Variants in TACR1 observed in about 807,000 individuals in gnomAD.
TACR1 encodes substance-P receptor.
TACR1 carries 25 observed loss-of-function variants against 35.8 expected under a neutral mutation model. The ratio of observed to expected loss-of-function variants is 0.70; its 90% CI spans 0.51 to 0.98. The LOEUF (loss-of-function observed/expected upper bound fraction) is 0.98. Among genes scored for constraint, TACR1 ranks in the 50% least tolerant of loss-of-function variants. The pLI, the probability that TACR1 is intolerant of heterozygous loss-of-function variation, is 0.00. For synonymous variants in TACR1, 195 were observed against 206.7 expected (o/e 0.94, Z 0.48); for missense variants, 478 against 522.9 (o/e 0.91, Z 0.84).
intron 2 of TACR1, among the ~76,000 whole-genome samples, chr2:75,083,263 G>C (rs1469457736): frequency 6.6e-6 from 1 of 151,996 alleles, no homozygotes; most frequent in East Asian, 1.9e-4. Flanking sequence ...TCTGAGGGCT[G>C]TGTTCTGTTC....
Position 75,094,860 on chromosome 2 carries a change from T to TATA in TACR1, c.584+25713_584+25714insTAT, listed in dbSNP as rs1491102755. 2.3e-3 allele frequency among the ~76,000 whole-genome samples: 115 copies of TATA among 50,402 alleles called. 3 individuals are homozygous for TATA. In the East Asian group the frequency reaches 0.034, roughly 15 times the overall value. 33.1% of individuals were successfully genotyped at this position (50,402 alleles called of 152,430 possible). On this transcript the variant is annotated intron_variant, in intron 2 of 4. Coordinates refer to ENST00000305249, the MANE Select transcript of TACR1 (RefSeq NM_001058.4). ...AAACATATATATATATATATATATA[T>TATA]TTTTTTTTTTTTTGCCCAAGATGGC...
At chr2:75,133,880 A>G (rs1674226792) in intron 1 of TACR1, among the ~76,000 whole-genome samples, 1 of 152,184 alleles carries the variant, frequency 6.6e-6, no homozygotes, top group Non-Finnish European at 1.5e-5. Flanking sequence ...ACAGTTCATT[A>G]AGACCTTGCT....
At chr2:75,052,820 G>GGA (rs1423077651) in intron 3 of TACR1, among the ~76,000 whole-genome samples, 1 of 151,796 alleles carries the variant, frequency 6.6e-6, no homozygotes. Context: ...GATCTAGAAG[G>GGA]GAGAGAGGCT....
chr2:75,160,068 A>T (rs180717611), intron 1 of TACR1, among the ~76,000 whole-genome samples: 2 of 152,318 alleles, frequency 1.3e-5, no homozygotes, highest in Non-Finnish European at 2.9e-5. Flanking sequence ...GAAAGTAAGA[A>T]TATCAAACAA....
chr2:75,157,322 T>C (rs879279182), intron 1 of TACR1, among the ~76,000 whole-genome samples: 2 of 152,178 alleles, frequency 1.3e-5, no homozygotes, highest in Non-Finnish European at 2.9e-5. Flanking sequence ...CACCCACCTA[T>C]GGAAGCAAGG....
At chr2:75,145,934 G>T (rs1572955940) in intron 1 of TACR1, among the ~76,000 whole-genome samples, 1 of 152,180 alleles carries the variant, frequency 6.6e-6, no homozygotes, top group Non-Finnish European at 1.5e-5. Context: ...AGTTACTATT[G>T]TAGAGTGGTT....
chr2:75,171,838 AC>A (rs1390598845), intron 1 of TACR1, among the ~76,000 whole-genome samples: 1 of 152,206 alleles, frequency 6.6e-6, no homozygotes, highest in African/African-American at 2.4e-5. Flanking sequence ...CTAGGAAGTA[AC>A]TAACTTGCTT....
At chr2:75,133,621 C>T (rs368544309) in intron 1 of TACR1, among the ~76,000 whole-genome samples, 7 of 152,198 alleles carry the variant, frequency 4.6e-5, no homozygotes, top group Admixed American at 6.5e-5. Context: ...AGTCTGGCTT[C>T]GGCACCTTTG....
Position 75,198,651 on chromosome 2 carries a change from T to C in TACR1, c.284A>G (p.His95Arg), listed in dbSNP as rs1304883917. The part of the protein sequence containing the change: ...NTVVNFTYAV[H>R]NEWYYGLFYC... ...GAACAGGCCGTAGTACCATTCGTTG[T>C]GGACAGCATAGGTGAAGTTCACCAC... The change falls in exon 1 of 5, where the codon CAC becomes CGC. Residue 95 changes from histidine (H) to arginine (R), a missense_variant. Transcript: ENST00000305249. 2 of 1,614,244 alleles carry C rather than the reference T, an allele frequency of 1.2e-6. No homozygotes were observed. Among genetic ancestry groups the C allele is most frequent in the Non-Finnish European group, 1.7e-6 (2 of 1,180,032 alleles).
intron 1 of TACR1, among the ~76,000 whole-genome samples, chr2:75,147,862 A>C (rs1308360786): frequency 1.3e-5 from 2 of 151,556 alleles, no homozygotes. Context: ...CTCCTGCCTC[A>C]GCCTCAGGAG....
At chr2:75,064,856 C>T (rs1051080995) in intron 2 of TACR1, among the ~76,000 whole-genome samples, 6 of 152,122 alleles carry the variant, frequency 3.9e-5, no homozygotes, top group African/African-American at 1.4e-4. Flanking sequence ...GACAAGTGGG[C>T]AGGCCAGGGC....
At chr2:75,180,238 T>C (rs1675530816) in intron 1 of TACR1, among the ~76,000 whole-genome samples, 1 of 152,232 alleles carries the variant, frequency 6.6e-6, no homozygotes, top group Non-Finnish European at 1.5e-5. Context: ...TATTTTATAG[T>C]TTATTGCTTG....
intron 1 of TACR1, among the ~76,000 whole-genome samples, chr2:75,198,317 G>C (rs1326515212): frequency 6.6e-6 from 1 of 152,154 alleles, no homozygotes; most frequent in Non-Finnish European, 1.5e-5. Context: ...GAAGAAAAGG[G>C]GGATGTGTGT....
chr2:75,156,831 A>G (rs540323479), intron 1 of TACR1, among the ~76,000 whole-genome samples: 3 of 152,308 alleles, frequency 2.0e-5, no homozygotes, highest in East Asian at 1.9e-4. Flanking sequence ...GTCTTTCTAC[A>G]TTGGATTTGG....
intron 1 of TACR1, among the ~76,000 whole-genome samples, chr2:75,136,238 T>C (rs1015765288): frequency 1.8e-4 from 28 of 152,202 alleles, no homozygotes; most frequent in African/African-American, 6.5e-4. Context: ...CCCTGTGCTG[T>C]GGCTACTTCC....
chr2:75,174,321 T>G (rs1675361838), intron 1 of TACR1, among the ~76,000 whole-genome samples: 1 of 152,222 alleles, frequency 6.6e-6, no homozygotes, highest in Admixed American at 6.5e-5. Context: ...CCCCAGCAGA[T>G]GCCTGAAACC....
chr2:75,086,084 A>T (rs1673183300), intron 2 of TACR1, among the ~76,000 whole-genome samples: 1 of 152,214 alleles, frequency 6.6e-6, no homozygotes, highest in African/African-American at 2.4e-5. Context: ...ACTGGGCTGT[A>T]ACAAGGTCAT....
chr2:75,059,136 C>T (rs1482316507), intron 2 of TACR1, among the ~76,000 whole-genome samples: 4 of 152,124 alleles, frequency 2.6e-5, no homozygotes, highest in African/African-American at 7.2e-5. Context: ...ACAGAAAGGT[C>T]GAAGAGCATT....
chr2:75,130,247 T>C (rs1425220793), intron 1 of TACR1, among the ~76,000 whole-genome samples: 1 of 152,188 alleles, frequency 6.6e-6, no homozygotes, highest in African/African-American at 2.4e-5. Context: ...GTATAGCAGG[T>C]AAGACAATCA....
Sources: gnomAD v4.1 joint callset for allele counts (sites outside exome capture counted in the v4.1 genomes callset) on GRCh38, gnomAD v4.1.1 for gene constraint, MANE v1.5 for transcripts, NCBI Gene and HGNC (gene_info 2026-07-23, HGNC 2026-07-21) for gene names.